The following CAPN7 variants were observed in gnomAD, a reference collection of about 807,000 sequenced individuals.
CAPN7 encodes the protein calpain 7.
In CAPN7, 72 loss-of-function variants were observed where a neutral mutation model predicts 115.2. The ratio of observed to expected loss-of-function variants is 0.63; its 90% CI spans 0.52 to 0.76. The LOEUF (loss-of-function observed/expected upper bound fraction) is 0.76, where lower values mean the gene tolerates loss of function less well. Among genes scored for constraint, CAPN7 ranks in the 30% least tolerant of loss-of-function variants. CAPN7 has a pLI of 0.00. For synonymous variants in CAPN7, 344 were observed against 322.3 expected, an observed-to-expected ratio of 1.07 and a Z score of -0.72; for missense variants, 905 against 971.5, an observed-to-expected ratio of 0.93 and a Z score of 0.91.
intron 1 of CAPN7, among the ~76,000 whole-genome samples, chr3:15,210,488 A>G (rs2044868782): frequency 7.0e-6 from 1 of 142,740 alleles, no homozygotes; most frequent in African/African-American, 3.1e-5. Context: ...CCTCCTCTGA[A>G]ATAGTTATAG....
At chr3:15,249,747 A>G (rs1232784939) in intron 19 of CAPN7, among the ~76,000 whole-genome samples, 1 of 150,852 alleles carries the variant, frequency 6.6e-6, no homozygotes. Context: ...AGGCCTTTCC[A>G]TTTGTTACAA....
Position 15,227,940 on chromosome 3 carries a change from C to A in CAPN7, c.827C>A (p.Thr276Asn), listed in dbSNP as rs1694425130. ...DLTNNPTMIY[T>N]VSSFSIKQTI... ...ACCAACAATCCTACAATGATATATA[C>A]TGTGTCCAGTTTTAGCATAAAGCAG... Residue 276 changes from threonine (T) to asparagine (N), a missense_variant, in exon 7 of 21, where the codon ACT (threonine) becomes AAT (asparagine). Transcript: ENST00000253693. 2 of 1,483,472 alleles carry A rather than the reference C, an allele frequency of 1.3e-6. No homozygotes were observed. Among genetic ancestry groups the A allele is most frequent in the South Asian group, 3.0e-5 (2 of 66,452 alleles). 91.9% of individuals were successfully genotyped at this position (1,483,472 alleles called of 1,614,324 possible).
intron 19 of CAPN7, 70 bp from the exon 20 acceptor site, chr3:15,250,861 G>A: frequency 1.8e-6 from 2 of 1,122,788 alleles, no homozygotes; most frequent in South Asian, 2.7e-5. Context: ...CTGCACTTCA[G>A]ATAAAGTTAT....
Position 15,232,624 on chromosome 3 carries a change from A to G in CAPN7, c.1138A>G (p.Met380Val), listed in dbSNP as rs375724954. 7 of 1,612,598 alleles carry G rather than the reference A, an allele frequency of 4.3e-6. No individual in the cohort carries two copies. In the African/African-American group the frequency reaches 6.7e-5, roughly 15 times the overall value. The change falls in exon 10 of 21, where the codon ATG becomes GTG. Residue 380 changes from methionine to valine, a missense_variant. This residue lies in a region of CAPN7 where 620 missense variants were observed against 703.4 expected (regional missense o/e 0.88). Transcript: ENST00000253693. ...GGTTTCTCTCATAGAAAAAGCATAC[A>G]TGAAAGTCATGGGAGGATATGATTT... ...LWVSLIEKAYMKVMGGYDFPG... is the reference protein window; with the variant it reads ...LWVSLIEKAYVKVMGGYDFPG...
chr3:15,209,146 G>C (rs1467721579), intron 1 of CAPN7, among the ~76,000 whole-genome samples: 1 of 152,010 alleles, frequency 6.6e-6, no homozygotes, highest in Non-Finnish European at 1.5e-5. Context: ...GAGTAGCTGG[G>C]ATTACAGGCA....
chr3:15,208,236 T>G (rs2044741933), intron 1 of CAPN7, among the ~76,000 whole-genome samples: 1 of 151,932 alleles, frequency 6.6e-6, no homozygotes, highest in Non-Finnish European at 1.5e-5. Flanking sequence ...ACAAACTGGT[T>G]TATACTGTTT....
chr3:15,232,394 C>A, intron 9 of CAPN7, 125 bp from the exon 10 acceptor site: 1 of 674,338 alleles, frequency 1.5e-6, no homozygotes, highest in Non-Finnish European at 2.4e-6. Flanking sequence ...GAAACATTAC[C>A]TTAATAGCCG....
In CAPN7 at chr3:15,232,656, A is replaced by G. The variant is rs368998486; in HGVS notation, c.1170A>G (p.Gly390=). 9 of 1,606,794 alleles carry G rather than the reference A, an allele frequency of 5.6e-6. No individual in the cohort carries two copies. The African/African-American group carries it at 8.1e-5, about 14-fold the overall frequency. The change falls in exon 10 of 21, where the codon GGA becomes GGG. Residue 390 remains glycine (G), a synonymous_variant. Transcript: ENST00000253693. ...MKVMGGYDFP[G]SNSNIDLHAL... ...TCATGGGAGGATATGATTTTCCAGGATCCAACTCCGTAAGTAATAGATAAG... is the reference window on the plus strand; with the variant it reads ...TCATGGGAGGATATGATTTTCCAGGGTCCAACTCCGTAAGTAATAGATAAG...
At chr3:15,222,805 A>G (rs1023304708) in intron 5 of CAPN7, among the ~76,000 whole-genome samples, 8 of 152,208 alleles carry the variant, frequency 5.3e-5, no homozygotes, top group African/African-American at 1.9e-4. Context: ...AGTCCCAACA[A>G]TCATTTCATC....
At position 15,232,075 on chromosome 3, in the gene CAPN7, G is replaced by T. The variant is rs554239231; in HGVS notation, c.1033-444G>T. On this transcript the variant is annotated intron_variant, in intron 9 of 20. Transcript: ENST00000253693. ...AATACTTGGGACCAGAAGTGTTTTGGATTTTGGATTTTAACAGATTTTTTA... is the reference window on the plus strand; with the variant it reads ...AATACTTGGGACCAGAAGTGTTTTGTATTTTGGATTTTAACAGATTTTTTA... The T allele has an allele frequency of 5.3e-5, 18 of 339,540 alleles. No homozygotes were observed. In the Admixed American group the frequency reaches 7.3e-4, roughly 14 times the overall value. The allele number at this position is 339,540 out of a possible 1,614,324, so 21.0% of individuals were successfully genotyped here. A position where few individuals can be genotyped will look rare whatever the true frequency, so the allele number is the denominator to read the frequency against.
intron 12 of CAPN7, among the ~76,000 whole-genome samples, chr3:15,235,727 G>A (rs748108201): frequency 4.6e-5 from 7 of 152,184 alleles, no homozygotes; most frequent in African/African-American, 7.2e-5. Context: ...CAGAGCTCAG[G>A]CTGTAATGCT....
At position 15,233,986 on chromosome 3, in the gene CAPN7, CTTTGT is replaced by C; in HGVS notation, c.1286+17_1286+21del. ...TGCTTTATCAAAGGTAAACATTTTT[CTTTGT>C]TTTATGTGTGTGGTAAATGTGGCCG... On this transcript the variant is annotated intron_variant, in intron 11 of 20. Transcript: ENST00000253693. The C allele has an allele frequency of 7.0e-7, 1 of 1,420,344 alleles. No individual in the cohort carries two copies. The allele number at this position is 1,420,344 out of a possible 1,614,324, so 88.0% of individuals were successfully genotyped here. A position where few individuals can be genotyped will look rare whatever the true frequency, so the allele number is the denominator to read the frequency against.
intron 17 of CAPN7, chr3:15,246,041 A>G (rs113101894): frequency 6.1e-4 from 97 of 157,884 alleles, no homozygotes; most frequent in African/African-American, 2.2e-3. Context: ...TCCCGGGCTC[A>G]AGTAATTCTG....
At chr3:15,216,784 G>T (rs1693628119) in intron 2 of CAPN7, among the ~76,000 whole-genome samples, 1 of 152,152 alleles carries the variant, frequency 6.6e-6, no homozygotes, top group Admixed American at 6.5e-5. Context: ...GAGAATGCCT[G>T]TGTTTCAATT....
intron 6 of CAPN7, among the ~76,000 whole-genome samples, chr3:15,226,739 CTTAT>C (rs2124939560): frequency 6.6e-6 from 1 of 152,054 alleles, no homozygotes; most frequent in Admixed American, 6.5e-5. Flanking sequence ...TAAACATTGG[CTTAT>C]TTAAAGTCTA....
rs190293495 is a variant in CAPN7, at chr3:15,245,741, T to G, written c.2010+70T>G. 67 of 1,251,726 alleles carry G rather than the reference T, an allele frequency of 5.4e-5. No homozygotes were observed. The African/African-American group carries it at 8.6e-4, about 16-fold the overall frequency. The allele number at this position is 1,251,726 out of a possible 1,614,324, so 77.5% of individuals were successfully genotyped here. A position where few individuals can be genotyped will look rare whatever the true frequency, so the allele number is the denominator to read the frequency against. On this transcript the variant is annotated intron_variant, in intron 17 of 20. Coordinates refer to ENST00000253693, the MANE Select transcript of CAPN7 (RefSeq NM_014296.3). Reference sequence around the variant, plus strand: ...TATGTAATATGCTCTGCTTTGTAAGTGGTATTATCTGGAGAAAAAGTTTAT... The same window carrying G: ...TATGTAATATGCTCTGCTTTGTAAGGGGTATTATCTGGAGAAAAAGTTTAT...
In CAPN7 at chr3:15,245,648, A is replaced by AAC. The variant is rs1352597374; in HGVS notation, c.1991_1992dup (p.Ile665GlnfsTer58). ...AGTGGTTTCTCAATATGAAAAACAG[A>AAC]ACACAATCCATTACACGGTTCGGGT... On this transcript the variant is annotated frameshift_variant, in exon 17 of 21. Transcript: ENST00000253693. LOFTEE classifies it high-confidence loss of function. The AAC allele has an allele frequency of 1.2e-6, 2 of 1,613,858 alleles. No homozygotes were observed. Among genetic ancestry groups the AAC allele is most frequent in the South Asian group, 2.2e-5 (2 of 91,052 alleles).
At chr3:15,228,525 T>A (rs1257261954) in intron 7 of CAPN7, among the ~76,000 whole-genome samples, 1 of 152,214 alleles carries the variant, frequency 6.6e-6, no homozygotes, top group East Asian at 1.9e-4. Context: ...CTTGGAATAC[T>A]ATGCAGCCAT....
intron 10 of CAPN7, among the ~76,000 whole-genome samples, chr3:15,233,638 T>C (rs1159899837): frequency 6.6e-6 from 1 of 152,180 alleles, no homozygotes; most frequent in Non-Finnish European, 1.5e-5. Flanking sequence ...CTGTAAAAAA[T>C]AGTTTTTTAT....
Sources: allele counts gnomAD v4.1 joint callset (sites outside exome capture counted in the v4.1 genomes callset), GRCh38; gene constraint gnomAD v4.1.1; regional missense constraint gnomAD v4.1.1; transcripts MANE v1.5; gene names NCBI Gene and HGNC (gene_info 2026-07-23, HGNC 2026-07-21).